Variants in LRRC63 observed in about 807,000 individuals in gnomAD.
LRRC63 encodes leucine-rich repeat-containing protein 63.
In LRRC63, 40 loss-of-function variants were observed where a neutral mutation model predicts 49.5. That is an observed-to-expected ratio of 0.81 (90% CI 0.63 to 1.05). The LOEUF (loss-of-function observed/expected upper bound fraction) is 1.05, where lower values mean the gene tolerates loss of function less well. Ranked by LOEUF, LRRC63 falls within the 50% of genes least tolerant of loss-of-function variation. The pLI, the probability that LRRC63 is intolerant of heterozygous loss-of-function variation, is 0.00. For missense variants in LRRC63, 636 were observed against 663.1 expected (o/e 0.96, Z 0.45); for synonymous variants, 191 against 221.1 (o/e 0.86, Z 1.21).
chr13:46,271,919 TA>T (rs1487884364), intron 9 of LRRC63, among the ~76,000 whole-genome samples: 1 of 152,020 alleles, frequency 6.6e-6, no homozygotes, highest in African/African-American at 2.4e-5. Context: ...CAGTAAGAGA[TA>T]ACTAATAATA....
intron 9 of LRRC63, among the ~76,000 whole-genome samples, chr13:46,271,315 C>G (rs1215425089): frequency 6.6e-6 from 1 of 152,110 alleles, no homozygotes; most frequent in Non-Finnish European, 1.5e-5. Flanking sequence ...TTAAAAAAAC[C>G]TAACCCGCCT....
chr13:46,222,212 A>AT lies in LRRC63; in HGVS notation c.86-5290dup, dbSNP rs1027457840. Reference sequence around the variant, plus strand: ...AGGGGATTTTTTGTTTTCTAAGGGGATTTTTTTTTTCCTGTTGAGTTGTTT... The same window carrying AT: ...AGGGGATTTTTTGTTTTCTAAGGGGATTTTTTTTTTTCCTGTTGAGTTGTTT... On this transcript the variant is annotated intron_variant, in intron 2 of 9. Coordinates refer to ENST00000595396, the Ensembl canonical transcript of LRRC63. Among the ~76,000 whole-genome samples, 75 of 148,022 alleles carry AT rather than the reference A, an allele frequency of 5.1e-4. No individual in the cohort carries two copies. In the Middle Eastern group the frequency reaches 0.01, roughly 20 times the overall value.
chr13:46,235,637 A>G (rs539523519), intron 5 of LRRC63, among the ~76,000 whole-genome samples: 38 of 152,300 alleles, frequency 2.5e-4, no homozygotes, highest in Non-Finnish European at 4.7e-4. Context: ...ATGCTTGTTC[A>G]CAGAAGAAAC....
chr13:46,271,198 A>T (rs536236485), intron 9 of LRRC63, among the ~76,000 whole-genome samples: 6 of 152,312 alleles, frequency 3.9e-5, no homozygotes, highest in Admixed American at 2.0e-4. Flanking sequence ...CCTGGAACCG[A>T]TCCCCCATGT....
intron 2 of LRRC63, 50 bp downstream of exon 2, chr13:46,213,169 GA>G: frequency 8.1e-7 from 1 of 1,237,664 alleles, no homozygotes; most frequent in Non-Finnish European, 1.1e-6. Context: ...ATCTTTCATA[GA>G]AATTCCTTGA....
At chr13:46,263,427 CT>C (rs1594094698) in intron 8 of LRRC63, among the ~76,000 whole-genome samples, 1 of 152,026 alleles carries the variant, frequency 6.6e-6, no homozygotes, top group South Asian at 2.1e-4. Context: ...CCTACCACCT[CT>C]TTTTTTCTAT....
intron 5 of LRRC63, among the ~76,000 whole-genome samples, chr13:46,243,656 G>A (rs1594061674): frequency 6.6e-6 from 1 of 152,134 alleles, no homozygotes; most frequent in East Asian, 1.9e-4. Flanking sequence ...GGTAAGACAA[G>A]GAGGGCCATC....
intron 5 of LRRC63, among the ~76,000 whole-genome samples, chr13:46,239,893 A>C (rs1453522447): frequency 6.6e-6 from 1 of 152,196 alleles, no homozygotes; most frequent in Non-Finnish European, 1.5e-5. Context: ...AGAACTAAAA[A>C]CAAAAACTAT....
At chr13:46,248,053 A>G (rs1253057392) in intron 6 of LRRC63, among the ~76,000 whole-genome samples, 1 of 152,074 alleles carries the variant, frequency 6.6e-6, no homozygotes, top group East Asian at 1.9e-4. Flanking sequence ...TTAAGTTAGT[A>G]TAAATCTGAA....
At chr13:46,231,839 A>G (rs1417917177) in intron 4 of LRRC63, among the ~76,000 whole-genome samples, 3 of 113,186 alleles carry the variant, frequency 2.7e-5, no homozygotes, top group African/African-American at 3.5e-5. Context: ...TTTTTGAGAC[A>G]GAGTCTCGCT....
chr13:46,243,228 A>T (rs1222916057), intron 5 of LRRC63, among the ~76,000 whole-genome samples: 1 of 152,194 alleles, frequency 6.6e-6, no homozygotes, highest in Non-Finnish European at 1.5e-5. Context: ...TTGTGAGCAA[A>T]GTCAAGTTGT....
At chr13:46,228,615 G>A (rs997309871) in intron 3 of LRRC63, 50 bp from the exon 4 acceptor site, 10 of 1,122,046 alleles carry the variant, frequency 8.9e-6, no homozygotes, top group Non-Finnish European at 1.3e-5. Flanking sequence ...ACCCTCAAGT[G>A]AATTTTTACA....
At chr13:46,271,970 A>G (rs1462334821) in intron 9 of LRRC63, among the ~76,000 whole-genome samples, 1 of 152,110 alleles carries the variant, frequency 6.6e-6, no homozygotes, top group Non-Finnish European at 1.5e-5. Context: ...ATAATAACTA[A>G]TAATAAAATG....
At chr13:46,250,208 G>T (rs777962549) in intron 6 of LRRC63, 147 bp from the exon 7 acceptor site, 1 of 633,814 alleles carries the variant, frequency 1.6e-6, no homozygotes, top group Non-Finnish European at 2.6e-6. Flanking sequence ...AAGGTTGACC[G>T]AGGGTGTTTA....
intron 8 of LRRC63, among the ~76,000 whole-genome samples, chr13:46,266,078 C>T (rs2047680358): frequency 6.7e-6 from 1 of 149,260 alleles, no homozygotes; most frequent in African/African-American, 2.6e-5. Context: ...CAAGTTGGAC[C>T]AGCCTTTGAT....
intron 7 of LRRC63, among the ~76,000 whole-genome samples, chr13:46,251,812 A>G (rs755402139): frequency 3.3e-5 from 5 of 151,938 alleles, no homozygotes; most frequent in Non-Finnish European, 7.4e-5. Context: ...TCATAATTAT[A>G]CATTTTCAAT....
At chr13:46,227,725 T>A in exon 3 of LRRC63, 1 of 1,550,446 alleles carries the variant, frequency 6.4e-7, no homozygotes, top group South Asian at 1.2e-5. Context: ...CGTGAGCAGA[T>A]TCCAGATACT....
At chr13:46,223,094 G>A (rs2046455675) in intron 2 of LRRC63, among the ~76,000 whole-genome samples, 1 of 150,362 alleles carries the variant, frequency 6.7e-6, no homozygotes, top group Non-Finnish European at 1.5e-5. Context: ...ATAGCATTAG[G>A]AGATATACCT....
At chr13:46,254,932 T>A (rs1450189576) in intron 7 of LRRC63, among the ~76,000 whole-genome samples, 1 of 152,172 alleles carries the variant, frequency 6.6e-6, no homozygotes, top group African/African-American at 2.4e-5. Context: ...CCTGAAAAAG[T>A]CTGCAATTCA....
Sources: allele counts gnomAD v4.1 joint callset (sites outside exome capture counted in the v4.1 genomes callset), GRCh38; gene constraint gnomAD v4.1.1; transcripts MANE v1.5; gene names NCBI Gene and HGNC (gene_info 2026-07-23, HGNC 2026-07-21).